MICALL2: variants seen among roughly 807,000 people sequenced by gnomAD.
MICALL2 encodes MICAL like 2, also known as MICAL-like protein 2.
Under a neutral mutation model 91.1 loss-of-function variants are expected in MICALL2, and 111 were observed. The ratio of observed to expected loss-of-function variants is 1.22; its 90% CI spans 1.04 to 1.43. MICALL2 has a LOEUF of 1.43. MICALL2 is among the 40% of genes most tolerant of loss of function. The pLI is 0.00. For missense variants in MICALL2, 1,556 were observed against 1,236.0 expected, an observed-to-expected ratio of 1.26 and a Z score of -3.88; for synonymous variants, 694 against 525.3, an observed-to-expected ratio of 1.32 and a Z score of -4.39.
intron 3 of MICALL2, 21 bp downstream of exon 3, chr7:1,448,599 G>A: frequency 6.2e-7 from 1 of 1,611,802 alleles, no homozygotes. Context: ...GCCTGGCTCG[G>A]CGGGCGCGGC....
At chr7:1,455,804 G>C (rs550823246) in intron 1 of MICALL2, among the ~76,000 whole-genome samples, 36 of 152,108 alleles carry the variant, frequency 2.4e-4, no homozygotes, top group African/African-American at 8.4e-4. Context: ...AGGACTTCCT[G>C]GTGGCAGAGC....
At chr7:1,436,933 C>T in intron 14 of MICALL2, 77 bp from the exon 15 acceptor site, 1 of 1,080,326 alleles carries the variant, frequency 9.3e-7, no homozygotes, top group South Asian at 1.8e-5. Flanking sequence ...CCCCACCACC[C>T]AAGCGCCAGG....
intron 7 of MICALL2, 121 bp from the exon 8 acceptor site, chr7:1,440,805 C>G: frequency 1.2e-6 from 1 of 810,618 alleles, no homozygotes; most frequent in Non-Finnish European, 2.0e-6. Context: ...GACACCCCCA[C>G]AGCCAGCCGG....
At chr7:1,435,517 G>A (rs991522310) in intron 15 of MICALL2, among the ~76,000 whole-genome samples, 1 of 151,368 alleles carries the variant, frequency 6.6e-6, no homozygotes, top group Non-Finnish European at 1.5e-5. Context: ...CGACCACACA[G>A]GTGATGTGGG....
At position 1,438,313 on chromosome 7, in the gene MICALL2, G is replaced by T. The variant is rs148060810; in HGVS notation, c.2163C>A (p.Gly721=). The T allele has an allele frequency of 6.2e-7, 1 of 1,603,496 alleles. No individual in the cohort carries two copies. The highest frequency in any genetic ancestry group is 2.2e-5 in the East Asian group (1 of 44,528). ...LSPANVPALP[G]ETVTSPVRLH... ...CCCTGACTGGGGAGGTCACCGTCTCGCCAGGCAGAGCAGGGACATTGGCCG... is the reference window on the plus strand; with the variant it reads ...CCCTGACTGGGGAGGTCACCGTCTCTCCAGGCAGAGCAGGGACATTGGCCG... Residue 721 remains glycine (G), a synonymous_variant, in exon 11 of 17, where the codon GGC becomes GGA. Coordinates refer to ENST00000297508, the MANE Select transcript of MICALL2 (RefSeq NM_182924.4).
At chr7:1,438,525 G>A in intron 10 of MICALL2, 172 bp from the exon 11 acceptor site, 1 of 1,436,732 alleles carries the variant, frequency 7.0e-7, no homozygotes, top group Non-Finnish European at 9.1e-7. Flanking sequence ...AGACACCTGA[G>A]TGGCCTCCAG....
At chr7:1,449,961 G>A (rs920485418) in intron 2 of MICALL2, among the ~76,000 whole-genome samples, 5 of 152,102 alleles carry the variant, frequency 3.3e-5, no homozygotes, top group African/African-American at 4.8e-5. Flanking sequence ...CCCCCTTGCA[G>A]TGAAGTAGGG....
At position 1,435,156 on chromosome 7, in the gene MICALL2, G is replaced by T; in HGVS notation, c.2592-9C>A. On this transcript the variant is annotated splice_polypyrimidine_tract_variant and intron_variant, in intron 15 of 16. Coordinates refer to ENST00000297508, the MANE Select transcript of MICALL2 (RefSeq NM_182924.4). ...GATCCTCCTCTTGTTCCCTGAAACGGGACCAGATGGCCATGAGCGACAATG... is the reference window on the plus strand; with the variant it reads ...GATCCTCCTCTTGTTCCCTGAAACGTGACCAGATGGCCATGAGCGACAATG... 2 of 1,613,442 alleles carry T rather than the reference G, an allele frequency of 1.2e-6. No homozygotes were observed. Among genetic ancestry groups the T allele is most frequent in the Non-Finnish European group, 1.7e-6 (2 of 1,179,948 alleles).
At chr7:1,449,830 C>CT (rs1228686467) in intron 2 of MICALL2, among the ~76,000 whole-genome samples, 1 of 152,242 alleles carries the variant, frequency 6.6e-6, no homozygotes, top group African/African-American at 2.4e-5. Flanking sequence ...GACTGGAATC[C>CT]TGGCAGGGCC....
chr7:1,437,193 T>A (rs1562445569), intron 14 of MICALL2: 3 of 486,610 alleles, frequency 6.2e-6, no homozygotes, highest in South Asian at 3.0e-5. Context: ...CAGGGCACCC[T>A]GCATCACGAG....
chr7:1,435,006 G>A (rs1281907472), intron 16 of MICALL2, 95 bp downstream of exon 16: 8 of 303,102 alleles, frequency 2.6e-5, no homozygotes, highest in Non-Finnish European at 4.0e-5. Flanking sequence ...ACCCCCAGCT[G>A]GAGGCCCGGT....
Position 1,444,870 on chromosome 7 carries a change from C to G in MICALL2, c.1200G>C (p.Thr400=). 1.9e-6 allele frequency: 3 copies of G among 1,597,240 alleles called. No homozygotes were observed. Among genetic ancestry groups the G allele is most frequent in the Non-Finnish European group, 2.6e-6 (3 of 1,174,726 alleles). The change falls in exon 6 of 17, where the codon ACG becomes ACC. Residue 400 remains threonine, a synonymous_variant. Transcript: ENST00000297508. ...ACGGGGTCCAGGCTGGGGGGTCCAC[C>G]GTGGCTGCAGATGTGGAGCTTGAAC... The part of the protein sequence containing the change: ...TLSSSSTSAA[T]VDPPAWTPSA...
At chr7:1,440,280 T>G (rs1354253084) in intron 8 of MICALL2, 195 bp from the exon 9 acceptor site, 4 of 695,586 alleles carry the variant, frequency 5.8e-6, no homozygotes, top group Non-Finnish European at 9.4e-6. Context: ...CCTGCCGTGG[T>G]GCGAAGCAGA....
At chr7:1,436,691 G>C (rs1447272758) in intron 15 of MICALL2, 51 bp downstream of exon 15, 10 of 1,421,774 alleles carry the variant, frequency 7.0e-6, no homozygotes, top group Non-Finnish European at 9.6e-6. Flanking sequence ...CGGGAGCATG[G>C]ACCAGGCGAC....
chr7:1,440,809 C>T (rs1272328062), intron 7 of MICALL2, 125 bp from the exon 8 acceptor site: 38 of 785,056 alleles, frequency 4.8e-5, no homozygotes, highest in Non-Finnish European at 7.8e-5. Context: ...CCCCCACAGC[C>T]AGCCGGCCGG....
intron 1 of MICALL2, among the ~76,000 whole-genome samples, 171 bp downstream of exon 1, chr7:1,459,013 G>T (rs564413283): frequency 6.6e-6 from 1 of 152,274 alleles, no homozygotes; most frequent in East Asian, 1.9e-4. Flanking sequence ...TTCGGTGTCC[G>T]GGCACACTGA....
chr7:1,443,783 C>G (rs1780425225), intron 6 of MICALL2, among the ~76,000 whole-genome samples: 1 of 152,208 alleles, frequency 6.6e-6, no homozygotes, highest in Admixed American at 6.5e-5. Context: ...CGGCCCTTCC[C>G]CCGCCTCAAG....
At chr7:1,443,934 G>A (rs146543919) in intron 6 of MICALL2, among the ~76,000 whole-genome samples, 272 of 152,240 alleles carry the variant, frequency 1.8e-3, no homozygotes, top group Non-Finnish European at 2.7e-3. Context: ...ACAGGCAGGC[G>A]CCGGGCCCAG....
At chr7:1,439,800 G>A (rs1192696525) in intron 9 of MICALL2, 125 bp downstream of exon 9, 1 of 747,988 alleles carries the variant, frequency 1.3e-6, no homozygotes, top group Non-Finnish European at 2.0e-6. Flanking sequence ...CAGCTTCTCT[G>A]GCTGACCGGA....
Sources: gnomAD v4.1 joint callset for allele counts (sites outside exome capture counted in the v4.1 genomes callset) on GRCh38, gnomAD v4.1.1 for gene constraint, MANE v1.5 for transcripts, NCBI Gene and HGNC (gene_info 2026-07-23, HGNC 2026-07-21) for gene names.